PRELID2: variants seen among roughly 807,000 people sequenced by gnomAD.
PRELID2 encodes PRELI domain-containing protein 2.
In PRELID2, 25 loss-of-function variants were observed where a neutral mutation model predicts 28.4. That is an observed-to-expected ratio of 0.88 (90% CI 0.64 to 1.23). The LOEUF is 1.23. Ranked by LOEUF, PRELID2 falls within the 50% of genes most tolerant of loss-of-function variation. PRELID2 has a pLI of 0.00. For missense variants in PRELID2, 201 were observed against 214.4 expected, an observed-to-expected ratio of 0.94 and a Z score of 0.39; for synonymous variants, 76 against 71.6, an observed-to-expected ratio of 1.06 and a Z score of -0.31.
chr5:145,571,377 T>C (rs1037129410), intron 1 of PRELID2, among the ~76,000 whole-genome samples: 2 of 152,182 alleles, frequency 1.3e-5, no homozygotes, highest in African/African-American at 4.8e-5. Flanking sequence ...CCTTTGGAAT[T>C]CAGGCACAAC....
At chr5:145,761,733 A>G (rs554749448) in intron 6 of PRELID2, among the ~76,000 whole-genome samples, 3 of 152,216 alleles carry the variant, frequency 2.0e-5, no homozygotes, top group Admixed American at 6.5e-5. Flanking sequence ...AACTTTGTGT[A>G]TAAAAGCAGG....
chr5:145,475,375 A>G (rs1337602466), intron 1 of PRELID2, among the ~76,000 whole-genome samples: 1 of 152,158 alleles, frequency 6.6e-6, no homozygotes, highest in African/African-American at 2.4e-5. Context: ...GCATGATAAG[A>G]CTTCCACTTA....
At chr5:145,422,285 CCTT>C in the PRELID2 span, among the ~76,000 whole-genome samples, 9 of 151,092 alleles carry the variant, frequency 6.0e-5, no homozygotes, top group South Asian at 1.9e-3. Flanking sequence ...TCCTGGGTAT[CCTT>C]CTTGACTTTC....
intron 1 of PRELID2, among the ~76,000 whole-genome samples, chr5:145,581,799 T>C (rs745671474): frequency 1.3e-5 from 2 of 152,022 alleles, no homozygotes; most frequent in Non-Finnish European, 2.9e-5. Flanking sequence ...ACAAGATAAA[T>C]TGAGGACCAG....
the PRELID2 span, among the ~76,000 whole-genome samples, chr5:145,410,867 C>A: frequency 2.0e-5 from 3 of 151,988 alleles, no homozygotes; most frequent in African/African-American, 7.3e-5. Flanking sequence ...CAGCTTTAAC[C>A]CAAAAGCCCA....
intron 1 of PRELID2, among the ~76,000 whole-genome samples, chr5:145,499,385 C>T (rs577357050): frequency 6.6e-6 from 1 of 152,202 alleles, no homozygotes; most frequent in South Asian, 2.1e-4. Context: ...TGATTTTCCT[C>T]TCTATCTTTT....
the PRELID2 span, among the ~76,000 whole-genome samples, chr5:145,373,751 TATG>T: frequency 5.3e-5 from 4 of 75,948 alleles, no homozygotes; most frequent in Non-Finnish European, 6.5e-5. Flanking sequence ...ATATAATATA[TATG>T]ATATTATATA....
chr5:145,664,252 A>C (rs934617559), intron 1 of PRELID2, among the ~76,000 whole-genome samples: 1 of 152,104 alleles, frequency 6.6e-6, no homozygotes, highest in African/African-American at 2.4e-5. Flanking sequence ...TGAAATTTGA[A>C]ATCCTCAATT....
intron 1 of PRELID2, among the ~76,000 whole-genome samples, chr5:145,678,116 C>G (rs1408261740): frequency 6.6e-6 from 1 of 152,176 alleles, no homozygotes; most frequent in Non-Finnish European, 1.5e-5. Flanking sequence ...TCCATATAAT[C>G]CAGGCAAAAA....
chr5:145,734,301 A>C (rs1002341617), intron 1 of PRELID2, among the ~76,000 whole-genome samples: 3 of 152,144 alleles, frequency 2.0e-5, no homozygotes, highest in African/African-American at 7.2e-5. Flanking sequence ...ATTTTAGTCC[A>C]GTGAAGCCCA....
At chr5:145,454,538 C>A in the PRELID2 span, among the ~76,000 whole-genome samples, 1 of 152,164 alleles carries the variant, frequency 6.6e-6, no homozygotes, top group African/African-American at 2.4e-5. Context: ...ACCCCATTGT[C>A]TCAGCCCAAA....
chr5:145,383,330 TTA>T, the PRELID2 span, among the ~76,000 whole-genome samples: 1 of 131,938 alleles, frequency 7.6e-6, no homozygotes, highest in Non-Finnish European at 1.6e-5. Flanking sequence ...GCTATTTCAT[TTA>T]TACACACACA....
the PRELID2 span, among the ~76,000 whole-genome samples, chr5:145,373,006 AATAT>A: frequency 8.4e-6 from 1 of 119,264 alleles, no homozygotes; most frequent in African/African-American, 3.3e-5. Context: ...CAACATATAT[AATAT>A]ATATATTATA....
intron 1 of PRELID2, among the ~76,000 whole-genome samples, chr5:145,651,739 C>T (rs1283640649): frequency 6.6e-6 from 1 of 152,140 alleles, no homozygotes; most frequent in Non-Finnish European, 1.5e-5. Flanking sequence ...GACATCCACA[C>T]CAAAACCCCA....
At chr5:145,577,250 T>A (rs1753068700) in intron 1 of PRELID2, among the ~76,000 whole-genome samples, 2 of 152,120 alleles carry the variant, frequency 1.3e-5, no homozygotes, top group Non-Finnish European at 1.5e-5. Context: ...GTACCAGTTA[T>A]CAGCCCTAAA....
At chr5:145,614,840 C>T (rs542656198) in intron 1 of PRELID2, among the ~76,000 whole-genome samples, 10 of 152,286 alleles carry the variant, frequency 6.6e-5, no homozygotes, top group African/African-American at 2.4e-4. Context: ...TGTCTGGTTG[C>T]TCTGGCTAGG....
chr5:145,801,555 A>G (rs1479909787), intron 4 of PRELID2, among the ~76,000 whole-genome samples: 1 of 152,220 alleles, frequency 6.6e-6, no homozygotes, highest in Non-Finnish European at 1.5e-5. Context: ...GTAACAATGT[A>G]CATTCTATAT....
At chr5:145,372,782 G>T in the PRELID2 span, among the ~76,000 whole-genome samples, 1 of 148,866 alleles carries the variant, frequency 6.7e-6, no homozygotes, top group Admixed American at 6.9e-5. Context: ...CATACCAATG[G>T]GTCTTGACTC....
At chr5:145,528,747 AGAGAGT>A (rs1752631285) in intron 1 of PRELID2, among the ~76,000 whole-genome samples, 2 of 151,460 alleles carry the variant, frequency 1.3e-5, no homozygotes, top group South Asian at 4.2e-4. Flanking sequence ...AGAGAGAGAG[AGAGAGT>A]AAGTCACTCT....
Sources: gnomAD v4.1 joint callset for allele counts (sites outside exome capture counted in the v4.1 genomes callset) on GRCh38, gnomAD v4.1.1 for gene constraint, MANE v1.5 for transcripts, NCBI Gene and HGNC (gene_info 2026-07-23, HGNC 2026-07-21) for gene names.